Variants in VEGFC observed in about 807,000 individuals in gnomAD.
VEGFC encodes FLT4 ligand DHM.
VEGFC carries 12 observed loss-of-function variants against 46.1 expected under a neutral mutation model. The observed-to-expected ratio is 0.26, with a 90% CI of 0.17 to 0.42. The LOEUF (loss-of-function observed/expected upper bound fraction) is 0.42. Among genes scored for constraint, VEGFC ranks in the 10% least tolerant of loss-of-function variants. The probability of loss-of-function intolerance (pLI) is 1.00; values close to 1 mark genes in which losing one functional copy is unlikely to be tolerated. For missense variants in VEGFC, 488 were observed against 529.4 expected (o/e 0.92, Z 0.77); for synonymous variants, 232 against 195.5 (o/e 1.19, Z -1.56).
intron 3 of VEGFC, among the ~76,000 whole-genome samples, chr4:176,722,499 GTT>G (rs796817880): frequency 1.6e-4 from 17 of 104,702 alleles, no homozygotes; most frequent in African/African-American, 3.8e-4. Flanking sequence ...TTTTTTTTTT[GTT>G]TTTTTTTTTT....
intron 1 of VEGFC, among the ~76,000 whole-genome samples, chr4:176,790,023 T>C (rs765153203): frequency 2.0e-4 from 31 of 152,240 alleles, no homozygotes; most frequent in Non-Finnish European, 1.0e-4. Flanking sequence ...TTCTCCCCAG[T>C]TCTTCTCTAG....
chr4:176,712,299 A>G (rs1161346447), intron 3 of VEGFC, among the ~76,000 whole-genome samples: 1 of 152,214 alleles, frequency 6.6e-6, no homozygotes, highest in Non-Finnish European at 1.5e-5. Context: ...GAAAATAATG[A>G]GCTTAAAATA....
At chr4:176,723,819 CTTTTA>C (rs775360363) in intron 3 of VEGFC, among the ~76,000 whole-genome samples, 17 of 128,792 alleles carry the variant, frequency 1.3e-4, no homozygotes, top group Non-Finnish European at 2.2e-4. Context: ...GTGACATAAA[CTTTTA>C]TTTTAGGTTT....
At chr4:176,762,251 G>A (rs1166525905) in intron 1 of VEGFC, among the ~76,000 whole-genome samples, 2 of 152,188 alleles carry the variant, frequency 1.3e-5, no homozygotes, top group Non-Finnish European at 2.9e-5. Context: ...TAAGAATATG[G>A]GGGGAGGTGG....
At chr4:176,780,399 ACTC>A (rs1404510982) in intron 1 of VEGFC, among the ~76,000 whole-genome samples, 6 of 149,292 alleles carry the variant, frequency 4.0e-5, no homozygotes, top group East Asian at 4.0e-4. Context: ...AAAAAAAAAA[ACTC>A]CTTCTAACCC....
At chr4:176,782,669 C>A (rs534908860) in intron 1 of VEGFC, among the ~76,000 whole-genome samples, 1 of 151,762 alleles carries the variant, frequency 6.6e-6, no homozygotes, top group Non-Finnish European at 1.5e-5. Context: ...AATATTAATA[C>A]GAAAATTGCT....
intron 1 of VEGFC, among the ~76,000 whole-genome samples, chr4:176,769,793 T>C (rs1735691678): frequency 6.6e-6 from 1 of 152,174 alleles, no homozygotes. Context: ...CTCACAGAAT[T>C]AAGGTCATAC....
At chr4:176,698,744 C>G (rs992404665) in intron 4 of VEGFC, among the ~76,000 whole-genome samples, 1 of 152,078 alleles carries the variant, frequency 6.6e-6, no homozygotes, top group African/African-American at 2.4e-5. Flanking sequence ...GTGGTGACCA[C>G]TCTTCTATTC....
rs560195458 is a variant in VEGFC, at chr4:176,737,323, T to C, written c.148-7577A>G. Among the ~76,000 whole-genome samples, 5 of 146,986 alleles carry C rather than the reference T, an allele frequency of 3.4e-5. No homozygotes were observed. The South Asian group carries it at 8.5e-4, about 25-fold the overall frequency. On this transcript the variant is annotated intron_variant, in intron 1 of 6. Coordinates refer to ENST00000618562, the MANE Select transcript of VEGFC (RefSeq NM_005429.5). ...GTTTATAATATATAAATATAGAATA[T>C]ATTTATAATATATAAATACAGAATA...
At chr4:176,778,953 C>G (rs1735862361) in intron 1 of VEGFC, among the ~76,000 whole-genome samples, 1 of 152,170 alleles carries the variant, frequency 6.6e-6, no homozygotes, top group South Asian at 2.1e-4. Context: ...GACTGGCCAC[C>G]TTCTGCCCCC....
chr4:176,717,938 CAGAT>C (rs557195554), intron 3 of VEGFC, among the ~76,000 whole-genome samples: 165 of 152,160 alleles, frequency 1.1e-3, no homozygotes, highest in South Asian at 2.7e-3. Flanking sequence ...AATGGAATAA[CAGAT>C]AGCCTAACAG....
chr4:176,696,552 A>G (rs1347236527), intron 4 of VEGFC, among the ~76,000 whole-genome samples: 1 of 150,566 alleles, frequency 6.6e-6, no homozygotes, highest in East Asian at 2.0e-4. Flanking sequence ...GAAAATGGCC[A>G]TACTGCCCAA....
At chr4:176,729,858 ATAT>A in intron 1 of VEGFC, 112 bp from the exon 2 acceptor site, 1 of 591,826 alleles carries the variant, frequency 1.7e-6, no homozygotes, top group Non-Finnish European at 2.5e-6. Flanking sequence ...CCTAACACAA[ATAT>A]TATTAATTAC....
At chr4:176,766,914 A>G (rs534548850) in intron 1 of VEGFC, among the ~76,000 whole-genome samples, 36 of 152,018 alleles carry the variant, frequency 2.4e-4, no homozygotes, top group African/African-American at 8.0e-4. Context: ...TTGGATAGAC[A>G]AATGTTTCTT....
chr4:176,742,853 G>A (rs1241972495), intron 1 of VEGFC, among the ~76,000 whole-genome samples: 1 of 152,012 alleles, frequency 6.6e-6, no homozygotes. Context: ...GCCAAACATT[G>A]AATTTATTCA....
intron 3 of VEGFC, among the ~76,000 whole-genome samples, chr4:176,713,949 T>A (rs1734657769): frequency 6.6e-6 from 1 of 152,116 alleles, no homozygotes; most frequent in African/African-American, 2.4e-5. Flanking sequence ...CCGATGTGGT[T>A]CCAAGGGCTG....
chr4:176,773,912 C>T (rs910129668), intron 1 of VEGFC, among the ~76,000 whole-genome samples: 5 of 151,704 alleles, frequency 3.3e-5, no homozygotes, highest in South Asian at 2.1e-4. Context: ...CCAGGCTGGT[C>T]GTGAACTCTT....
In VEGFC at chr4:176,740,091, ATTC is replaced by A. The variant is rs1213992522; in HGVS notation, c.148-10348_148-10346del. Among the ~76,000 whole-genome samples, 38 of 18,302 alleles carry A rather than the reference ATTC, an allele frequency of 2.1e-3. 3 individuals carry two copies. Among genetic ancestry groups the A allele is most frequent in the African/African-American group, 2.3e-3 (38 of 16,498 alleles). 12.0% of individuals were successfully genotyped at this position (18,302 alleles called of 152,430 possible). The stretch of plus-strand genomic sequence containing the variant: ...TAACTATATATTATATATTCTATAT[ATTC>A]TATACATATATTCTATATATATATT... On this transcript the variant is annotated intron_variant, in intron 1 of 6. Coordinates refer to ENST00000618562, the MANE Select transcript of VEGFC (RefSeq NM_005429.5).
At chr4:176,768,491 C>CAT (rs145504348) in intron 1 of VEGFC, among the ~76,000 whole-genome samples, 3,718 of 100,532 alleles carry the variant, frequency 0.037, 169 homozygotes, top group Middle Eastern at 0.17. Flanking sequence ...ATGTTTTATA[C>CAT]ATATATATAT....
Sources: gnomAD v4.1 joint callset for allele counts (sites outside exome capture counted in the v4.1 genomes callset) on GRCh38, gnomAD v4.1.1 for gene constraint, MANE v1.5 for transcripts, NCBI Gene and HGNC (gene_info 2026-07-23, HGNC 2026-07-21) for gene names.